The following GRIA4 variants were observed in gnomAD, a reference collection of about 807,000 sequenced individuals.
The protein encoded by GRIA4 is glutamate receptor 4.
In GRIA4, 34 loss-of-function variants were observed where a neutral mutation model predicts 104.0. That is an observed-to-expected ratio of 0.33 (90% CI 0.25 to 0.44). GRIA4 has a LOEUF of 0.44. Ranked by LOEUF, GRIA4 falls within the 20% of genes least tolerant of loss-of-function variation. The pLI, the probability that GRIA4 is intolerant of heterozygous loss-of-function variation, is 1.00. For synonymous variants in GRIA4, 386 were observed against 381.9 expected, an observed-to-expected ratio of 1.01 and a Z score of -0.13; for missense variants, 750 against 1,096.5, an observed-to-expected ratio of 0.68 and a Z score of 4.46.
intron 16 of GRIA4, among the ~76,000 whole-genome samples, chr11:105,978,504 T>C (rs529326522): frequency 6.6e-6 from 1 of 152,272 alleles, no homozygotes; most frequent in South Asian, 2.1e-4. Context: ...GTAACTGATC[T>C]GTAAACATTT....
At chr11:105,940,718 C>A (rs1248090609) in intron 14 of GRIA4, among the ~76,000 whole-genome samples, 2 of 152,010 alleles carry the variant, frequency 1.3e-5, no homozygotes, top group African/African-American at 4.8e-5. Context: ...TGTTTCAGCA[C>A]AGCATATGGG....
chr11:105,634,506 AAAGAAAG>A lies in GRIA4; in HGVS notation c.247+22082_247+22088del, dbSNP rs199643457. ...GAAAGAAAGAAAGAAAGAAAGAAAG[AAAGAAAG>A]AAGAAAGAAAGAAAGAAAAGAAAGA... On this transcript the variant is annotated intron_variant, in intron 3 of 16. Transcript: ENST00000282499. 5.0e-4 allele frequency among the ~76,000 whole-genome samples: 35 copies of A among 70,588 alleles called. 1 individual carries two copies. The highest frequency in any genetic ancestry group is 1.3e-3 in the East Asian group (4 of 3,086). The allele number at this position is 70,588 out of a possible 152,430, so 46.3% of individuals were successfully genotyped here. A position where few individuals can be genotyped will look rare whatever the true frequency, so the allele number is the denominator to read the frequency against.
At chr11:105,615,287 G>A (rs1387865376) in intron 3 of GRIA4, among the ~76,000 whole-genome samples, 1 of 151,792 alleles carries the variant, frequency 6.6e-6, no homozygotes, top group Non-Finnish European at 1.5e-5. Flanking sequence ...GAATACTATG[G>A]TAACATAAAC....
At chr11:105,906,849 G>A (rs546844336) in intron 9 of GRIA4, among the ~76,000 whole-genome samples, 43 of 152,204 alleles carry the variant, frequency 2.8e-4, no homozygotes, top group Non-Finnish European at 6.2e-4. Flanking sequence ...TTTCATTAGA[G>A]ATCCTCTGCT....
intron 14 of GRIA4, among the ~76,000 whole-genome samples, chr11:105,954,027 A>T (rs1312498073): frequency 6.6e-6 from 1 of 152,194 alleles, no homozygotes; most frequent in Non-Finnish European, 1.5e-5. Flanking sequence ...TGTGTGAAAC[A>T]GCAAGTCTTC....
intron 3 of GRIA4, among the ~76,000 whole-genome samples, chr11:105,738,716 A>G (rs1939112785): frequency 6.6e-6 from 1 of 152,114 alleles, no homozygotes; most frequent in Non-Finnish European, 1.5e-5. Context: ...GACCCTTGAA[A>G]AAGTGTTTCT....
At chr11:105,676,638 A>G (rs1051550125) in intron 3 of GRIA4, among the ~76,000 whole-genome samples, 3 of 151,820 alleles carry the variant, frequency 2.0e-5, no homozygotes, top group Non-Finnish European at 4.4e-5. Flanking sequence ...AGAACCGGAT[A>G]TGTTGGTGGC....
intron 13 of GRIA4, among the ~76,000 whole-genome samples, chr11:105,931,068 T>C (rs1391095144): frequency 1.3e-5 from 2 of 152,096 alleles, no homozygotes; most frequent in African/African-American, 2.4e-5. Context: ...ACTTGTAAAA[T>C]GAAAGAGTTT....
intron 10 of GRIA4, chr11:105,912,985 T>C: frequency 1.0e-6 from 1 of 963,298 alleles, no homozygotes; most frequent in Non-Finnish European, 1.2e-6. Flanking sequence ...TATAATTCAT[T>C]TTGATTGAAA....
chr11:105,775,472 CA>C (rs1475035807), intron 4 of GRIA4, among the ~76,000 whole-genome samples: 3 of 150,964 alleles, frequency 2.0e-5, no homozygotes, highest in Non-Finnish European at 4.4e-5. Flanking sequence ...TGGCTAAGCA[CA>C]AAAACAAAGG....
intron 5 of GRIA4, among the ~76,000 whole-genome samples, chr11:105,887,249 A>G (rs1946297576): frequency 1.3e-5 from 2 of 152,148 alleles, no homozygotes; most frequent in South Asian, 4.1e-4. Flanking sequence ...ATGTTGGTTC[A>G]TAGCATTGTC....
intron 5 of GRIA4, among the ~76,000 whole-genome samples, chr11:105,883,712 T>C (rs1565313839): frequency 6.6e-6 from 1 of 152,152 alleles, no homozygotes; most frequent in Admixed American, 6.5e-5. Context: ...GTCTTTGCTA[T>C]TGTGAATAGT....
intron 9 of GRIA4, among the ~76,000 whole-genome samples, chr11:105,908,614 C>CAAA (rs3060300): frequency 1.4e-5 from 2 of 148,056 alleles, no homozygotes; most frequent in African/African-American, 2.5e-5. Flanking sequence ...GGTATAAGGC[C>CAAA]AAAAAAAAAA....
chr11:105,969,264 T>C (rs1474508044), intron 14 of GRIA4, among the ~76,000 whole-genome samples: 2 of 152,128 alleles, frequency 1.3e-5, no homozygotes, highest in African/African-American at 4.8e-5. Context: ...ACAGAAAATA[T>C]GCATTCATCA....
chr11:105,814,711 A>G (rs534330695), intron 4 of GRIA4, among the ~76,000 whole-genome samples: 1 of 152,278 alleles, frequency 6.6e-6, no homozygotes, highest in Non-Finnish European at 1.5e-5. Flanking sequence ...TTAGCTTCAG[A>G]CTCTTAAGAA....
chr11:105,910,560 A>G lies in GRIA4; in HGVS notation c.1269+15A>G, dbSNP rs201350896. On this transcript the variant is annotated intron_variant, in intron 10 of 16. Transcript: ENST00000282499. ...CCACAATTATGGTAAGTGTTGGTCT[A>G]TGCTTTATGGTGTTCCGTTTTGTCC... The G allele has an allele frequency of 1.5e-6, 2 of 1,296,670 alleles. No individual in the cohort carries two copies. Among genetic ancestry groups the G allele is most frequent in the African/African-American group, 1.4e-5 (1 of 69,118 alleles). 80.3% of individuals were successfully genotyped at this position (1,296,670 alleles called of 1,614,324 possible). A position where few individuals can be genotyped will look rare whatever the true frequency, so the allele number is the denominator to read the frequency against.
intron 3 of GRIA4, among the ~76,000 whole-genome samples, chr11:105,746,158 G>A (rs1162892815): frequency 1.3e-5 from 2 of 151,922 alleles, no homozygotes; most frequent in African/African-American, 4.8e-5. Context: ...TAGGAAAAAA[G>A]ACAAGTAATT....
Position 105,922,960 on chromosome 11 carries a change from G to A in GRIA4, c.1477-1439G>A, listed in dbSNP as rs1166414673. Among the ~76,000 whole-genome samples the A allele has an allele frequency of 2.0e-5, 3 of 152,052 alleles. No homozygotes were observed. The East Asian group carries it at 5.8e-4, about 29-fold the overall frequency. On this transcript the variant is annotated intron_variant, in intron 11 of 16. Transcript: ENST00000282499. ...GCAATGGTCTGACTCTTGTATATATGGGCTTTTATGATTTGAACAAAGTTT... is the reference window on the plus strand; with the variant it reads ...GCAATGGTCTGACTCTTGTATATATAGGCTTTTATGATTTGAACAAAGTTT...
At chr11:105,625,222 A>C (rs1257283601) in intron 3 of GRIA4, among the ~76,000 whole-genome samples, 1 of 152,096 alleles carries the variant, frequency 6.6e-6, no homozygotes, top group East Asian at 1.9e-4. Flanking sequence ...TACCGTACTA[A>C]AGACTCTATC....
Sources: gnomAD v4.1 joint callset for allele counts (sites outside exome capture counted in the v4.1 genomes callset) on GRCh38, gnomAD v4.1.1 for gene constraint, MANE v1.5 for transcripts, NCBI Gene and HGNC (gene_info 2026-07-23, HGNC 2026-07-21) for gene names.